Variants in STON2 observed in about 807,000 individuals in gnomAD.
STON2 encodes stonin-2.
A neutral mutation model predicts 65.7 loss-of-function variants in STON2; 29 were observed. The observed-to-expected ratio is 0.44, with a 90% CI of 0.33 to 0.60. STON2 has a LOEUF of 0.60. Among genes scored for constraint, STON2 ranks in the 20% least tolerant of loss-of-function variants. The probability of loss-of-function intolerance (pLI) is 0.03; values close to 1 mark genes in which losing one functional copy is unlikely to be tolerated. For missense variants in STON2, 1,054 were observed against 1,118.1 expected (o/e 0.94, Z 0.82); for synonymous variants, 404 against 414.2 (o/e 0.98, Z 0.30).
intron 1 of STON2, among the ~76,000 whole-genome samples, chr14:81,431,959 G>A (rs2139932918): frequency 6.6e-6 from 1 of 152,044 alleles, no homozygotes; most frequent in Non-Finnish European, 1.5e-5. Context: ...AAAATAAAAT[G>A]CATATAGAAT....
intron 5 of STON2, among the ~76,000 whole-genome samples, chr14:81,312,715 C>T (rs1193553839): frequency 6.6e-6 from 1 of 152,216 alleles, no homozygotes; most frequent in African/African-American, 2.4e-5. Context: ...TAATGGCTAG[C>T]TCTGGTTTCA....
chr14:81,401,249 G>A (rs1177877957), upstream of STON2, among the ~76,000 whole-genome samples: 1 of 152,142 alleles, frequency 6.6e-6, no homozygotes. Context: ...ATAGATATAG[G>A]TGCATTCTGG....
At chr14:81,360,421 T>A (rs72703718) in intron 4 of STON2, among the ~76,000 whole-genome samples, 4 of 151,616 alleles carry the variant, frequency 2.6e-5, no homozygotes, top group African/African-American at 9.7e-5. Flanking sequence ...AAATAAAAGA[T>A]AAAAAAAGAT....
At chr14:81,409,426 TAA>T (rs1020312676) in intron 2 of STON2, among the ~76,000 whole-genome samples, 27 of 76,450 alleles carry the variant, frequency 3.5e-4, no homozygotes, top group East Asian at 1.6e-3. Flanking sequence ...AAAATAAATA[TAA>T]AAATATATAT....
chr14:81,396,276 A>G, intron 2 of STON2, 98 bp from the exon 3 acceptor site: 1 of 1,170,254 alleles, frequency 8.5e-7, no homozygotes, highest in Non-Finnish European at 1.2e-6. Flanking sequence ...GGGTGCCCGC[A>G]TGACTCGCCA....
Position 81,262,637 on chromosome 14 carries a change from C to A in STON2, c.*5777G>T, listed in dbSNP as rs1250003995. 1 of 985,314 alleles carries A rather than the reference C, an allele frequency of 1.0e-6. No homozygotes were observed. Among genetic ancestry groups the A allele is most frequent in the African/African-American group, 1.7e-5 (1 of 57,254 alleles). 61.0% of individuals were successfully genotyped at this position (985,314 alleles called of 1,614,324 possible). ...ATCATTTGCCTCTCTCCAGGCACTA[C>A]CAAACTCATTACTGTGGATAGTTTC... On this transcript the variant is annotated 3_prime_UTR_variant, in exon 8 of 8. Transcript: ENST00000614646.
chr14:81,294,340 G>A (rs569115140), intron 5 of STON2, among the ~76,000 whole-genome samples: 243 of 152,190 alleles, frequency 1.6e-3, no homozygotes, highest in Non-Finnish European at 1.9e-3. Context: ...TTCCATCTTT[G>A]GCCTAGGTCA....
chr14:81,360,470 A>C (rs1898442662), intron 4 of STON2, among the ~76,000 whole-genome samples: 1 of 152,202 alleles, frequency 6.6e-6, no homozygotes, highest in Non-Finnish European at 1.5e-5. Context: ...GACAAAATTC[A>C]ACATTCTTTA....
intron 4 of STON2, among the ~76,000 whole-genome samples, chr14:81,350,182 G>A (rs1196747280): frequency 6.6e-6 from 1 of 152,054 alleles, no homozygotes; most frequent in Non-Finnish European, 1.5e-5. Flanking sequence ...CTGTATATTT[G>A]AAAATAGCTA....
chr14:81,418,333 G>GA (rs1901539569), intron 2 of STON2: 1 of 152,134 alleles, frequency 6.6e-6, no homozygotes, highest in African/African-American at 2.4e-5. Context: ...AACAGCACAG[G>GA]AAAGACCTGT....
At chr14:81,331,164 CTCTT>C (rs1270260714) in intron 4 of STON2, among the ~76,000 whole-genome samples, 2 of 152,226 alleles carry the variant, frequency 1.3e-5, no homozygotes, top group Admixed American at 6.5e-5. Context: ...TCAAGCTTTT[CTCTT>C]TCTAAGATAA....
At chr14:81,357,520 T>C (rs1272925140) in intron 4 of STON2, among the ~76,000 whole-genome samples, 2 of 150,692 alleles carry the variant, frequency 1.3e-5, no homozygotes, top group Non-Finnish European at 3.0e-5. Flanking sequence ...GAACTAGAAA[T>C]ACCATTTGAC....
chr14:81,287,269 G>A (rs570313492), intron 5 of STON2, among the ~76,000 whole-genome samples: 2 of 152,264 alleles, frequency 1.3e-5, no homozygotes, highest in South Asian at 2.1e-4. Flanking sequence ...GACCTACTTA[G>A]TCATTACAAA....
chr14:81,265,353 A>G lies in STON2; in HGVS notation c.*3061T>C. The G allele has an allele frequency of 2.0e-6, 2 of 984,308 alleles. No individual in the cohort carries two copies. Among genetic ancestry groups the G allele is most frequent in the Non-Finnish European group, 2.4e-6 (2 of 828,956 alleles). The allele number at this position is 984,308 out of a possible 1,614,324, so 61.0% of individuals were successfully genotyped here. A position where few individuals can be genotyped will look rare whatever the true frequency, so the allele number is the denominator to read the frequency against. On this transcript the variant is annotated 3_prime_UTR_variant, in exon 8 of 8. Coordinates refer to ENST00000614646, the MANE Select transcript of STON2 (RefSeq NM_001394390.1). The stretch of plus-strand genomic sequence containing the variant: ...ATGAAATTAAGATGTTAGGTTTTTA[A>G]AAATTAATAATAATTTGTGGGTCCA...
chr14:81,345,520 G>A (rs1897777568), intron 4 of STON2, among the ~76,000 whole-genome samples: 1 of 152,168 alleles, frequency 6.6e-6, no homozygotes, highest in Non-Finnish European at 1.5e-5. Flanking sequence ...CTAGCACTTT[G>A]GGAGCCTGAG....
chr14:81,435,490 ACAGAT>A (rs1333376224), intron 1 of STON2, among the ~76,000 whole-genome samples: 1 of 152,196 alleles, frequency 6.6e-6, no homozygotes, highest in Non-Finnish European at 1.5e-5. Flanking sequence ...TCGCCACCTT[ACAGAT>A]CAGGAGAGGG....
At chr14:81,397,467 G>C (rs1004655578) in intron 2 of STON2, among the ~76,000 whole-genome samples, 8 of 152,098 alleles carry the variant, frequency 5.3e-5, no homozygotes, top group African/African-American at 1.7e-4. Context: ...ATTTAGCATA[G>C]GTATCTGATG....
Position 81,388,330 on chromosome 14 carries a change from C to T in STON2, c.373+7564G>A, listed in dbSNP as rs117045813. 4.1e-3 allele frequency among the ~76,000 whole-genome samples: 625 copies of T among 152,274 alleles called. 4 individuals carry two copies. Among genetic ancestry groups the T allele is most frequent in the Middle Eastern group, 6.8e-3 (2 of 294 alleles). On this transcript the variant is annotated intron_variant, in intron 3 of 7. Transcript: ENST00000614646. ...CGTGATGGCACTTATTCACTTCAAA[C>T]CCTGCCCTAATTAAAGTCCAAGAGA...
chr14:81,411,668 T>C (rs559309201), intron 2 of STON2, among the ~76,000 whole-genome samples: 1 of 152,322 alleles, frequency 6.6e-6, no homozygotes, highest in African/African-American at 2.4e-5. Flanking sequence ...GATCACGCTA[T>C]TGCACTCTAG....
Sources: gnomAD v4.1 joint callset for allele counts (sites outside exome capture counted in the v4.1 genomes callset) on GRCh38, gnomAD v4.1.1 for gene constraint, MANE v1.5 for transcripts, NCBI Gene and HGNC (gene_info 2026-07-23, HGNC 2026-07-21) for gene names.